The following SAFB variants were observed in gnomAD, a reference collection of about 807,000 sequenced individuals.
The protein encoded by SAFB is scaffold attachment factor B.
A neutral mutation model predicts 101.6 loss-of-function variants in SAFB; 15 were observed. The ratio of observed to expected loss-of-function variants is 0.15; its 90% CI spans 0.10 to 0.23. The LOEUF is 0.23. SAFB is among the 10% of genes least tolerant of loss of function. SAFB has a pLI of 1.00. For missense variants in SAFB, 930 were observed against 1,104.1 expected, an observed-to-expected ratio of 0.84 and a Z score of 2.23; for synonymous variants, 449 against 407.5, an observed-to-expected ratio of 1.10 and a Z score of -1.23.
intron 17 of SAFB, chr19:5,665,807 G>C (rs2054315634): frequency 6.6e-6 from 1 of 152,228 alleles, no homozygotes; most frequent in African/African-American, 2.4e-5. Flanking sequence ...TCATTGAACA[G>C]TTACGTGGGT....
At chr19:5,641,228 G>A (rs986739168) in intron 2 of SAFB, among the ~76,000 whole-genome samples, 1 of 152,080 alleles carries the variant, frequency 6.6e-6, no homozygotes, top group African/African-American at 2.4e-5. Flanking sequence ...CAGTTTCTGT[G>A]GGAAAACATG....
intron 17 of SAFB, chr19:5,665,894 G>T (rs1029673845): frequency 6.6e-6 from 1 of 152,210 alleles, no homozygotes; most frequent in Non-Finnish European, 1.5e-5. Flanking sequence ...TTCTTACTTT[G>T]TTGAGGGGAG....
intron 1 of SAFB, among the ~76,000 whole-genome samples, chr19:5,624,706 TC>T (rs1555693926): frequency 1.3e-5 from 2 of 148,484 alleles, no homozygotes; most frequent in Admixed American, 6.7e-5. Context: ...TTTTTTTTTT[TC>T]CTGATGAGAA....
intron 2 of SAFB, among the ~76,000 whole-genome samples, chr19:5,627,157 C>CA (rs2053383182): frequency 6.7e-6 from 1 of 150,200 alleles, no homozygotes; most frequent in Admixed American, 6.6e-5. Context: ...GCCTGGGTGA[C>CA]AGAGCAAGAC....
rs1800708907 is a variant in SAFB at position 5,645,364 on chromosome 19, T to G, written c.574T>G (p.Leu192Val). The change falls in exon 5 of 21, where the codon TTA (leucine) becomes GTA (valine). Residue 192 changes from leucine to valine, a missense_variant. By Grantham distance (32) the Leu-to-Val change is conservative. This residue lies in a region of SAFB where 130 missense variants were observed against 114.2 expected (regional missense o/e 1.14). Coordinates refer to ENST00000588852, the MANE Select transcript of SAFB (RefSeq NM_001201338.2). ...AGAGGACAAAGAAACTATAAACAATTTAGATACTTCATCATCTGACTTCAC... is the reference window on the plus strand; with the variant it reads ...AGAGGACAAAGAAACTATAAACAATGTAGATACTTCATCATCTGACTTCAC... ...AIEDKETINN[L>V]DTSSSDFTIL... The G allele has an allele frequency of 7.3e-7, 1 of 1,367,386 alleles. No individual in the cohort carries two copies. The highest frequency in any genetic ancestry group is 1.0e-6 in the Non-Finnish European group (1 of 956,312). 84.7% of individuals were successfully genotyped at this position (1,367,386 alleles called of 1,614,324 possible). A position where few individuals can be genotyped will look rare whatever the true frequency, so the allele number is the denominator to read the frequency against.
Position 5,661,515 on chromosome 19 carries a change from C to T in SAFB, c.1863-3C>T, listed in dbSNP as rs756387399. 1.9e-6 allele frequency: 3 copies of T among 1,612,294 alleles called. No individual in the cohort carries two copies. In the South Asian group the frequency reaches 3.3e-5, roughly 18 times the overall value. On this transcript the variant is annotated splice_region_variant and splice_polypyrimidine_tract_variant and intron_variant, in intron 14 of 20. Coordinates refer to ENST00000588852, the MANE Select transcript of SAFB (RefSeq NM_001201338.2). ...CCCCTTCTGCAGCTCTACTGTTGTG[C>T]AGCAGGGTGCGTGAACGCAGTGAAC...
At chr19:5,661,009 A>G (rs1599380985) in intron 14 of SAFB, among the ~76,000 whole-genome samples, 1 of 124,628 alleles carries the variant, frequency 8.0e-6, no homozygotes, top group African/African-American at 3.1e-5. Context: ...CCTCTGCCTC[A>G]CGGGCTCCAG....
chr19:5,628,095 A>G (rs530596122), intron 2 of SAFB, among the ~76,000 whole-genome samples: 2 of 152,268 alleles, frequency 1.3e-5, no homozygotes, highest in African/African-American at 4.8e-5. Flanking sequence ...TACTAAAAAT[A>G]TAAAAATTAG....
chr19:5,638,700 T>A (rs2145421572), intron 2 of SAFB, among the ~76,000 whole-genome samples: 1 of 150,794 alleles, frequency 6.6e-6, no homozygotes, highest in South Asian at 2.1e-4. Flanking sequence ...TTTTTTTTTA[T>A]ACTTAATCTT....
chr19:5,651,344 G>A (rs576549492), intron 9 of SAFB, among the ~76,000 whole-genome samples: 7 of 152,286 alleles, frequency 4.6e-5, no homozygotes, highest in Non-Finnish European at 5.9e-5. Context: ...TCCTCAGGAC[G>A]TCGCACTCAG....
chr19:5,654,670 G>A (rs1314814622), intron 13 of SAFB, among the ~76,000 whole-genome samples: 1 of 152,004 alleles, frequency 6.6e-6, no homozygotes, highest in African/African-American at 2.4e-5. Flanking sequence ...TCCAACCTCC[G>A]CCTCCCAGGC....
intron 1 of SAFB, 85 bp downstream of exon 1, chr19:5,623,479 C>T: frequency 1.6e-6 from 2 of 1,218,166 alleles, no homozygotes; most frequent in South Asian, 1.6e-5. Context: ...CTGGCGTCCG[C>T]CCCCGGCCGC....
intron 15 of SAFB, 104 bp downstream of exon 15, chr19:5,661,912 T>C: frequency 1.2e-6 from 1 of 861,708 alleles, no homozygotes; most frequent in East Asian, 2.7e-5. Context: ...TGAGACGGAG[T>C]CTTGCTTTGT....
intron 9 of SAFB, 90 bp from the exon 10 acceptor site, chr19:5,653,025 A>T (rs1283546776): frequency 7.4e-7 from 1 of 1,345,408 alleles, no homozygotes; most frequent in East Asian, 2.3e-5. Context: ...CGGACCCCTG[A>T]TGAGCAGACT....
intron 2 of SAFB, 113 bp downstream of exon 2, chr19:5,626,602 C>CTGGG: frequency 4.7e-6 from 3 of 643,828 alleles, no homozygotes; most frequent in Non-Finnish European, 8.3e-6. Context: ...CCACTCTGAA[C>CTGGG]TGGGAGCCTT....
At position 5,653,358 on chromosome 19, in the gene SAFB, A is replaced by T. The variant is rs200055742; in HGVS notation, c.1464A>T (p.Gly488=). The part of the protein sequence containing the change: ...SVEKAKNEPV[G]KKTSDKRDSD... The stretch of plus-strand genomic sequence containing the variant: ...TTCAGGCCAAAAATGAACCTGTGGG[A>T]AAGAAAACCTCTGACAAAAGAGACA... Residue 488 remains glycine (G), a synonymous_variant, in exon 11 of 21, where the codon GGA becomes GGT. Coordinates refer to ENST00000588852, the MANE Select transcript of SAFB (RefSeq NM_001201338.2). 56 of 1,614,088 alleles carry T rather than the reference A, an allele frequency of 3.5e-5. No homozygotes were observed. Among genetic ancestry groups the T allele is most frequent in the Non-Finnish European group, 4.5e-5 (53 of 1,180,042 alleles).
rs372238887 is a variant in SAFB, at chr19:5,664,353, A to C, written c.2292-44A>C. 3.8e-6 allele frequency: 6 copies of C among 1,571,474 alleles called. No individual in the cohort carries two copies. The African/African-American group carries it at 8.1e-5, about 21-fold the overall frequency. ...CCTGATGGTCCTCTCTTTGTGAACAAGCCTCTTCTTCCCCTTACGGTTTGA... is the reference window on the plus strand; with the variant it reads ...CCTGATGGTCCTCTCTTTGTGAACACGCCTCTTCTTCCCCTTACGGTTTGA... On this transcript the variant is annotated intron_variant, in intron 16 of 20. Transcript: ENST00000588852.
chr19:5,625,835 C>T (rs982270441), intron 1 of SAFB, among the ~76,000 whole-genome samples: 3 of 152,086 alleles, frequency 2.0e-5, no homozygotes, highest in Admixed American at 6.6e-5. Flanking sequence ...TGATGGGGAT[C>T]GGATGAGGTC....
intron 13 of SAFB, 121 bp from the exon 14 acceptor site, chr19:5,657,120 G>T (rs1382602392): frequency 7.5e-6 from 5 of 664,198 alleles, no homozygotes; most frequent in Non-Finnish European, 1.3e-5. Context: ...GGCCAGGCTG[G>T]TCTCAAATTC....
Sources: gnomAD v4.1 joint callset for allele counts (sites outside exome capture counted in the v4.1 genomes callset) on GRCh38, gnomAD v4.1.1 for gene constraint, gnomAD v4.1.1 regional missense constraint, MANE v1.5 for transcripts, NCBI Gene and HGNC (gene_info 2026-07-23, HGNC 2026-07-21) for gene names.